SGIP1: variants seen among roughly 807,000 people sequenced by gnomAD.
SGIP1 encodes SH3-containing GRB2-like protein 3-interacting protein 1.
In SGIP1, 38 loss-of-function variants were observed where a neutral mutation model predicts 107.5. That is an observed-to-expected ratio of 0.35 (90% CI 0.27 to 0.46). The LOEUF (loss-of-function observed/expected upper bound fraction) is 0.46. Among genes scored for constraint, SGIP1 ranks in the 20% least tolerant of loss-of-function variants. The pLI is 1.00. For synonymous variants in SGIP1, 365 were observed against 366.1 expected, an observed-to-expected ratio of 1.00 and a Z score of 0.03; for missense variants, 929 against 1,019.5, an observed-to-expected ratio of 0.91 and a Z score of 1.21.
intron 12 of SGIP1, among the ~76,000 whole-genome samples, chr1:66,674,305 G>A (rs992416219): frequency 1.3e-5 from 2 of 152,262 alleles, no homozygotes; most frequent in Admixed American, 1.3e-4. Context: ...TTGGATGGCT[G>A]TAAATACCGT....
At chr1:66,722,223 G>A (rs1369693048) in intron 19 of SGIP1, among the ~76,000 whole-genome samples, 2 of 152,068 alleles carry the variant, frequency 1.3e-5, no homozygotes, top group African/African-American at 4.8e-5. Context: ...CCTAGGTTCT[G>A]AGTGACTTGT....
At chr1:66,547,701 A>C (rs1348594533) in intron 1 of SGIP1, among the ~76,000 whole-genome samples, 1 of 152,208 alleles carries the variant, frequency 6.6e-6, no homozygotes, top group Non-Finnish European at 1.5e-5. Flanking sequence ...GCTGTCATGG[A>C]GCCTGAGTTC....
At chr1:66,630,861 A>G (rs185338051) in intron 2 of SGIP1, among the ~76,000 whole-genome samples, 1,166 of 37,426 alleles carry the variant, frequency 0.031, 5 homozygotes, top group East Asian at 0.19. Flanking sequence ...GAAAGAAAGA[A>G]AGAAAGAAAG....
At chr1:66,707,606 A>C (rs2092613484) in intron 18 of SGIP1, among the ~76,000 whole-genome samples, 1 of 152,174 alleles carries the variant, frequency 6.6e-6, no homozygotes, top group African/African-American at 2.4e-5. Flanking sequence ...GATGCATGTC[A>C]GTCATAACCT....
chr1:66,566,835 A>G (rs889839951), intron 1 of SGIP1, among the ~76,000 whole-genome samples: 2 of 151,892 alleles, frequency 1.3e-5, no homozygotes, highest in Non-Finnish European at 2.9e-5. Context: ...TGCATTAGGT[A>G]TTTGTACTAA....
intron 2 of SGIP1, among the ~76,000 whole-genome samples, chr1:66,628,717 C>A (rs1445601693): frequency 6.6e-6 from 1 of 152,240 alleles, no homozygotes; most frequent in Non-Finnish European, 1.5e-5. Flanking sequence ...AGCCAAAGCA[C>A]TACTCTTCCA....
intron 7 of SGIP1, among the ~76,000 whole-genome samples, chr1:66,655,651 T>C (rs1438939594): frequency 6.6e-6 from 1 of 152,222 alleles, no homozygotes; most frequent in African/African-American, 2.4e-5. Context: ...CATGTTACTA[T>C]GTTGAATACC....
chr1:66,706,551 CAAAAGAA>C lies in SGIP1; in HGVS notation c.1630+11069_1630+11075del, dbSNP rs1235352910. The stretch of plus-strand genomic sequence containing the variant: ...CTTTAATAAATAAATGTAAAGATGA[CAAAAGAA>C]AAAAGAAAAAGGAAAAATGTAGAAA... On this transcript the variant is annotated intron_variant, in intron 18 of 24. Coordinates refer to ENST00000371037, the MANE Select transcript of SGIP1 (RefSeq NM_032291.4). Among the ~76,000 whole-genome samples, 8 of 148,374 alleles carry C rather than the reference CAAAAGAA, an allele frequency of 5.4e-5. No homozygotes were observed. In the East Asian group the frequency reaches 9.9e-4, roughly 18 times the overall value.
intron 1 of SGIP1, among the ~76,000 whole-genome samples, chr1:66,601,473 A>T (rs2065813824): frequency 6.6e-6 from 1 of 151,716 alleles, no homozygotes; most frequent in Non-Finnish European, 1.5e-5. Context: ...TCTGTCCATT[A>T]TTTTTGTCAG....
chr1:66,669,794 T>G (rs753615645), intron 9 of SGIP1, among the ~76,000 whole-genome samples: 39 of 152,188 alleles, frequency 2.6e-4, no homozygotes, highest in Non-Finnish European at 5.6e-4. Flanking sequence ...AATGGATCCT[T>G]GTTCAGATTG....
At chr1:66,707,096 A>C (rs2092574429) in intron 18 of SGIP1, among the ~76,000 whole-genome samples, 1 of 152,166 alleles carries the variant, frequency 6.6e-6, no homozygotes, top group East Asian at 1.9e-4. Flanking sequence ...ACACACACGC[A>C]TGGGCACACA....
At chr1:66,669,479 C>G (rs2083299034) in intron 9 of SGIP1, among the ~76,000 whole-genome samples, 1 of 152,098 alleles carries the variant, frequency 6.6e-6, no homozygotes, top group South Asian at 2.1e-4. Flanking sequence ...AACTAAAGCC[C>G]CTCTATCTCT....
chr1:66,534,303 T>TA lies in SGIP1; in HGVS notation c.-55dup. The TA allele has an allele frequency of 6.2e-7, 1 of 1,603,368 alleles. No individual in the cohort carries two copies. The highest frequency in any genetic ancestry group is 8.5e-7 in the Non-Finnish European group (1 of 1,170,232). On this transcript the variant is annotated 5_prime_UTR_variant, in exon 1 of 25. Transcript: ENST00000371037. ...AGGACTTAGCTGGGACCTGGAATCG[T>TA]ATCCTCCTGTGTTTTTTCAGACTCC... is the stretch of plus-strand genomic sequence containing the variant.
At position 66,635,914 on chromosome 1, in the gene SGIP1, T is replaced by C. The variant is rs1281169319; in HGVS notation, c.100-30T>C. ...AAGAACAAGCAGATCTTTTAACCAC[T>C]TTTTTCTACATGAAAACAATCAATT... On this transcript the variant is annotated intron_variant, in intron 3 of 24. Transcript: ENST00000371037. 3.1e-6 allele frequency: 5 copies of C among 1,610,298 alleles called. No homozygotes were observed. In the South Asian group the frequency reaches 5.5e-5, roughly 18 times the overall value.
At chr1:66,553,733 A>C (rs1037180794) in intron 1 of SGIP1, among the ~76,000 whole-genome samples, 1 of 151,694 alleles carries the variant, frequency 6.6e-6, no homozygotes, top group Non-Finnish European at 1.5e-5. Flanking sequence ...GAGCTACAGG[A>C]TTTCAATACC....
At chr1:66,568,640 A>G (rs541265590) in intron 1 of SGIP1, among the ~76,000 whole-genome samples, 1 of 152,014 alleles carries the variant, frequency 6.6e-6, no homozygotes, top group African/African-American at 2.4e-5. Flanking sequence ...TTTGTCATAA[A>G]TAGCTCTTAT....
At chr1:66,581,530 G>T (rs74085151) in intron 1 of SGIP1, among the ~76,000 whole-genome samples, 1 of 151,492 alleles carries the variant, frequency 6.6e-6, no homozygotes, top group Admixed American at 6.6e-5. Flanking sequence ...TTCCTAATAC[G>T]CTCTGCCAAT....
chr1:66,578,500 T>A (rs1345262591), intron 1 of SGIP1, among the ~76,000 whole-genome samples: 1 of 152,164 alleles, frequency 6.6e-6, no homozygotes, highest in Non-Finnish European at 1.5e-5. Context: ...ACATAGCCCA[T>A]CCCTCCTACA....
rs1178811454 is a variant in SGIP1, at chr1:66,681,951, G to A, written c.897G>A (p.Leu299=). The change falls in exon 15 of 25, where the codon TTG becomes TTA. Residue 299 remains leucine (L), a synonymous_variant. Transcript: ENST00000371037. ...TGGACAGCATTTTTGGGCCAGTATTGTCCCCCAAGTCTGTTGCTGTTAATG... is the reference window on the plus strand; with the variant it reads ...TGGACAGCATTTTTGGGCCAGTATTATCCCCCAAGTCTGTTGCTGTTAATG... ...NDLDSIFGPV[L]SPKSVAVNAE... 2.5e-6 allele frequency: 4 copies of A among 1,614,064 alleles called. No homozygotes were observed. The highest frequency in any genetic ancestry group is 2.7e-5 in the African/African-American group (2 of 74,918).
Sources: allele counts gnomAD v4.1 joint callset (sites outside exome capture counted in the v4.1 genomes callset), GRCh38; gene constraint gnomAD v4.1.1; transcripts MANE v1.5; gene names NCBI Gene and HGNC (gene_info 2026-07-23, HGNC 2026-07-21).